The following ZNF823 variants were observed in gnomAD, a reference collection of about 807,000 sequenced individuals.
ZNF823 encodes the protein ZFP 36 for a zinc finger protein.
A neutral mutation model predicts 11.4 loss-of-function variants in ZNF823; 5 were observed. The ratio of observed to expected loss-of-function variants is 0.44; its 90% CI spans 0.23 to 0.92. The LOEUF (loss-of-function observed/expected upper bound fraction) is 0.92, where lower values mean the gene tolerates loss of function less well. ZNF823 is among the 40% of genes least tolerant of loss of function. The probability of loss-of-function intolerance (pLI) is 0.24; values close to 1 mark genes in which losing one functional copy is unlikely to be tolerated. For missense variants in ZNF823, 582 were observed against 738.5 expected, an observed-to-expected ratio of 0.79 and a Z score of 2.46; for synonymous variants, 234 against 250.5, an observed-to-expected ratio of 0.93 and a Z score of 0.62.
chr19:11,736,442 C>T (rs1344900952), intron 1 of ZNF823, among the ~76,000 whole-genome samples: 1 of 152,126 alleles, frequency 6.6e-6, no homozygotes, highest in Non-Finnish European at 1.5e-5. Flanking sequence ...TTGCTTGAAC[C>T]CAGGAGGTTG....
chr19:11,738,240 T>C (rs985474645), intron 1 of ZNF823, among the ~76,000 whole-genome samples: 1 of 152,154 alleles, frequency 6.6e-6, no homozygotes, highest in Non-Finnish European at 1.5e-5. Context: ...GGATCCTGAA[T>C]TGCAGCGGAA....
chr19:11,721,760 A>G lies in ZNF823; in HGVS notation c.1774T>C (p.Leu592=), dbSNP rs779559950. ...LYECKECGKA[L]SSLRSLHRHK... ...CTATGCAAGGAACGGAGAGAACTCA[A>G]TGCTTTCCCACATTCCTTACATTCA... Residue 592 remains leucine, a synonymous_variant, in exon 4 of 4, where the codon TTG becomes CTG. Transcript: ENST00000341191. 1 of 1,614,188 alleles carries G rather than the reference A, an allele frequency of 6.2e-7. No homozygotes were observed. Among genetic ancestry groups the G allele is most frequent in the South Asian group, 1.1e-5 (1 of 91,082 alleles).
chr19:11,721,823 G>T lies in ZNF823; in HGVS notation c.1711C>A (p.Arg571=). ...GKAFTRSRFL[R]GHEKTHTGEK... ...CCAGTGTGAGTTTTTTCATGTCCTCGAAGGAAACGGGAACGAGTGAAGGCT... is the reference window on the plus strand; with the variant it reads ...CCAGTGTGAGTTTTTTCATGTCCTCTAAGGAAACGGGAACGAGTGAAGGCT... Residue 571 remains arginine, a synonymous_variant, in exon 4 of 4, where the codon CGA becomes AGA. Coordinates refer to ENST00000341191, the MANE Select transcript of ZNF823 (RefSeq NM_001080493.4). 1 of 1,613,660 alleles carries T rather than the reference G, an allele frequency of 6.2e-7. No homozygotes were observed. Among genetic ancestry groups the T allele is most frequent in the South Asian group, 1.1e-5 (1 of 91,052 alleles).
At chr19:11,730,218 GT>G in intron 1 of ZNF823, among the ~76,000 whole-genome samples, 1 of 152,112 alleles carries the variant, frequency 6.6e-6, no homozygotes, top group African/African-American at 2.4e-5. Flanking sequence ...GTGAGCCACC[GT>G]GCCTGGCCGT....
chr19:11,724,460 C>A (rs983866612), intron 2 of ZNF823, among the ~76,000 whole-genome samples: 1 of 152,154 alleles, frequency 6.6e-6, no homozygotes, highest in African/African-American at 2.4e-5. Context: ...ACCAACCCCT[C>A]CCCTTCCTCA....
At chr19:11,731,157 A>G (rs1974886866) in intron 1 of ZNF823, among the ~76,000 whole-genome samples, 1 of 151,996 alleles carries the variant, frequency 6.6e-6, no homozygotes. Flanking sequence ...TACTAAAAAT[A>G]CAAAATTAGC....
intron 3 of ZNF823, 111 bp from the exon 4 acceptor site, chr19:11,723,453 C>T: frequency 1.0e-6 from 1 of 964,628 alleles, no homozygotes; most frequent in South Asian, 1.8e-5. Flanking sequence ...CAGGCTTCAT[C>T]CCCTGTTTGA....
intron 2 of ZNF823, among the ~76,000 whole-genome samples, chr19:11,724,750 C>T (rs1053030961): frequency 2.0e-5 from 3 of 151,398 alleles, no homozygotes; most frequent in Admixed American, 1.3e-4. Flanking sequence ...TTAGTAGAGA[C>T]GGGGTTTCAC....
intron 1 of ZNF823, among the ~76,000 whole-genome samples, chr19:11,731,369 ATTAATT>A (rs1974891405): frequency 6.6e-6 from 1 of 152,180 alleles, no homozygotes; most frequent in African/African-American, 2.4e-5. Context: ...TAAGTGTAAT[ATTAATT>A]AACTGAAAAC....
At position 11,723,233 on chromosome 19, in the gene ZNF823, CACT is replaced by C. The variant is rs1457167956; in HGVS notation, c.298_300del (p.Ser100del). ...CCCAAGACGACTTCTCCACACTCAC[CACT>C]GTCACATGGATTTACTCGAGGAGTG... On this transcript the variant is annotated inframe_deletion, in exon 4 of 4. Coordinates refer to ENST00000341191, the MANE Select transcript of ZNF823 (RefSeq NM_001080493.4). 1.4e-5 allele frequency: 23 copies of C among 1,614,130 alleles called. No homozygotes were observed. Among genetic ancestry groups the C allele is most frequent in the Non-Finnish European group, 1.6e-5 (19 of 1,179,986 alleles).
chr19:11,722,978 G>A lies in ZNF823; in HGVS notation c.556C>T (p.His186Tyr), dbSNP rs1974720208. 1 of 1,614,100 alleles carries A rather than the reference G, an allele frequency of 6.2e-7. No individual in the cohort carries two copies. The highest frequency in any genetic ancestry group is 8.5e-7 in the Non-Finnish European group (1 of 1,180,052). ...LGNLRRHMAA[H>Y]HGDGPYKCKL... is the part of the protein sequence containing the mutation. ...CATTTATAAGGTCCATCTCCATGGT[G>A]TGCCGCCATGTGTCTTCGGAGGTTT... Residue 186 changes from histidine to tyrosine, a missense_variant, in exon 4 of 4, where the codon CAC (histidine) becomes TAC (tyrosine). His to Tyr is a moderately conservative substitution (Grantham distance 83). Transcript: ENST00000341191. This position sits in a 1 kb window ranked among gnomAD's most constrained non-coding sequence, Gnocchi z 5.2.
chr19:11,735,072 C>T (rs1358090574), intron 1 of ZNF823, among the ~76,000 whole-genome samples: 2 of 151,644 alleles, frequency 1.3e-5, no homozygotes, highest in Non-Finnish European at 2.9e-5. Context: ...GTCAGGAGTT[C>T]GAGACCAGCC....
chr19:11,736,037 T>C (rs1307997449), intron 1 of ZNF823, among the ~76,000 whole-genome samples: 19 of 149,194 alleles, frequency 1.3e-4, no homozygotes, highest in Admixed American at 1.2e-3. Context: ...TTATCCACTG[T>C]CTCAAATTCT....
In ZNF823 at chr19:11,723,216, G is replaced by A; in HGVS notation, c.318C>T (p.Val106=). Residue 106 remains valine (V), a synonymous_variant, in exon 4 of 4, where the codon GTC becomes GTT. Coordinates refer to ENST00000341191, the MANE Select transcript of ZNF823 (RefSeq NM_001080493.4). Reference sequence around the variant, plus strand: ...AATTAAGAGACGAATGACCCAAGACGACTTCTCCACACTCACCACTGTCAC... The same window carrying A: ...AATTAAGAGACGAATGACCCAAGACAACTTCTCCACACTCACCACTGTCAC... ...NPCDSGECGE[V]VLGHSSLNCN... is the part of the protein sequence containing the mutation. The A allele has an allele frequency of 1.2e-6, 2 of 1,614,092 alleles. No homozygotes were observed. Among genetic ancestry groups the A allele is most frequent in the Middle Eastern group, 1.6e-4 (1 of 6,062 alleles).
At chr19:11,735,251 G>C (rs1378359791) in intron 1 of ZNF823, among the ~76,000 whole-genome samples, 1 of 145,414 alleles carries the variant, frequency 6.9e-6, no homozygotes, top group Non-Finnish European at 1.5e-5. Flanking sequence ...CTCCAGCCTG[G>C]GCAACAGAGC....
Position 11,727,647 on chromosome 19 carries a change from A to T in ZNF823, c.4-2320T>A, listed in dbSNP as rs117527073. Among the ~76,000 whole-genome samples, 1,357 of 152,312 alleles carry T rather than the reference A, an allele frequency of 8.9e-3. 10 individuals are homozygous for T. Among genetic ancestry groups the T allele is most frequent in the Non-Finnish European group, 0.013 (902 of 68,016 alleles). ...TAATATTCGGCATCCTATACTATTA[A>T]CAGGGAGATAAACAAACAGAAAAAG... On this transcript the variant is annotated intron_variant, in intron 1 of 3. Coordinates refer to ENST00000341191, the MANE Select transcript of ZNF823 (RefSeq NM_001080493.4).
At chr19:11,733,365 CAAAAAA>C (rs34650100) in intron 1 of ZNF823, among the ~76,000 whole-genome samples, 5 of 95,412 alleles carry the variant, frequency 5.2e-5, no homozygotes, top group Non-Finnish European at 1.1e-4. Context: ...GACTCCATCT[CAAAAAA>C]AAAAAAAAAA....
chr19:11,722,627 G>A lies in ZNF823; in HGVS notation c.907C>T (p.Pro303Ser). The change falls in exon 4 of 4, where the codon CCC (proline) becomes TCC (serine). Residue 303 changes from proline (P) to serine (S), a missense_variant. Physicochemically the swap from Pro to Ser is moderately conservative, Grantham distance 74. Coordinates refer to ENST00000341191, the MANE Select transcript of ZNF823 (RefSeq NM_001080493.4). This position sits in a 1 kb window ranked among gnomAD's most constrained non-coding sequence, Gnocchi z 5.2. Reference protein sequence around the residue: ...LHERTHTGEQPYACKQCGKTF... With the variant: ...LHERTHTGEQSYACKQCGKTF... ...TTCCCACATTGCTTACATGCATAGG[G>A]TTGTTCTCCCGTGTGAGTCCTTTCA... is the stretch of plus-strand genomic sequence containing the variant. The A allele has an allele frequency of 1.9e-6, 3 of 1,614,074 alleles. No homozygotes were observed. Among genetic ancestry groups the A allele is most frequent in the Non-Finnish European group, 2.5e-6 (3 of 1,180,010 alleles).
At chr19:11,734,630 C>T (rs140657399) in intron 1 of ZNF823, among the ~76,000 whole-genome samples, 3,105 of 152,204 alleles carry the variant, frequency 0.02, 102 homozygotes, top group African/African-American at 0.069. Context: ...CTCCACCTCC[C>T]GGGTTCAAGC....
Sources: gnomAD v4.1 joint callset for allele counts (sites outside exome capture counted in the v4.1 genomes callset) on GRCh38, gnomAD v4.1.1 for gene constraint, Gnocchi (gnomAD v3.1) non-coding constraint, MANE v1.5 for transcripts, NCBI Gene and HGNC (gene_info 2026-07-23, HGNC 2026-07-21) for gene names.